Variants in PRSS23 observed in about 807,000 individuals in gnomAD.
PRSS23 encodes serine protease 23.
Under a neutral mutation model 34.7 loss-of-function variants are expected in PRSS23, and 25 were observed. That is an observed-to-expected ratio of 0.72 (90% CI 0.53 to 1.01). PRSS23 has a LOEUF of 1.01. Ranked by LOEUF, PRSS23 falls within the 50% of genes least tolerant of loss-of-function variation. The pLI is 0.00. For missense variants in PRSS23, 445 were observed against 475.6 expected (o/e 0.94, Z 0.60); for synonymous variants, 176 against 186.6 (o/e 0.94, Z 0.46).
At chr11:86,801,930 C>G (rs771103135) in intron 1 of PRSS23, among the ~76,000 whole-genome samples, 2 of 152,192 alleles carry the variant, frequency 1.3e-5, no homozygotes, top group Non-Finnish European at 2.9e-5. Context: ...TGTGCCTGAA[C>G]TGGGAAGGAA....
At chr11:86,952,491 A>G in exon 3 of PRSS23, 1 of 1,608,076 alleles carries the variant, frequency 6.2e-7, no homozygotes, top group Non-Finnish European at 8.5e-7. Context: ...AACAAAATGA[A>G]CACACACAAA....
Position 86,810,965 on chromosome 11 carries a change from A to AGTT in PRSS23, c.*2171_*2173dup, listed in dbSNP as rs1254801891. The AGTT allele has an allele frequency of 6.0e-6, 1 of 166,888 alleles. No individual in the cohort carries two copies. The highest frequency in any genetic ancestry group is 1.9e-4 in the East Asian group (1 of 5,198). 10.3% of individuals were successfully genotyped at this position (166,888 alleles called of 1,614,324 possible). A position where few individuals can be genotyped will look rare whatever the true frequency, so the allele number is the denominator to read the frequency against. On this transcript the variant is annotated 3_prime_UTR_variant, in exon 2 of 2. Coordinates refer to ENST00000280258, the MANE Select transcript of PRSS23 (RefSeq NM_007173.6). Reference sequence around the variant, plus strand: ...ATATAATTAGTGCTTTACATGTGTTAGTTATACATATTAGAAGCATATTTG... The same window carrying AGTT: ...ATATAATTAGTGCTTTACATGTGTTAGTTGTTATACATATTAGAAGCATATTTG...
intron 2 of PRSS23, among the ~76,000 whole-genome samples, chr11:86,863,991 T>C (rs1173362327): frequency 1.3e-5 from 2 of 152,224 alleles, no homozygotes; most frequent in African/African-American, 4.8e-5. Flanking sequence ...GTTTTTAAAA[T>C]GTGTAATCAT....
chr11:86,828,109 T>C (rs1299733532), intron 2 of PRSS23, among the ~76,000 whole-genome samples: 2 of 152,192 alleles, frequency 1.3e-5, no homozygotes, highest in African/African-American at 4.8e-5. Context: ...AAGTCTCCCA[T>C]TATTATTGTG....
At chr11:86,841,477 C>A (rs1948447980) in intron 2 of PRSS23, among the ~76,000 whole-genome samples, 1 of 151,500 alleles carries the variant, frequency 6.6e-6, no homozygotes, top group South Asian at 2.1e-4. Context: ...AAAAACACTT[C>A]AAAAAAATCA....
chr11:86,828,245 G>T (rs1246726706), intron 2 of PRSS23, among the ~76,000 whole-genome samples: 2 of 152,232 alleles, frequency 1.3e-5, no homozygotes, highest in South Asian at 4.2e-4. Flanking sequence ...TTACTATTAC[G>T]TAATGGCCTT....
intron 2 of PRSS23, among the ~76,000 whole-genome samples, chr11:86,915,518 C>G (rs1329167576): frequency 1.3e-5 from 2 of 149,382 alleles, no homozygotes; most frequent in Non-Finnish European, 3.0e-5. Flanking sequence ...AGGCAAATAT[C>G]TGCTTAGAGT....
chr11:86,804,049 A>G lies in PRSS23; in HGVS notation c.-14+3398A>G, dbSNP rs565272168. ...GACTTACGTGATTCTGGAAAATTAT[A>G]ATATTAGGGAATCCTGGACCTAAAG... On this transcript the variant is annotated intron_variant, in intron 1 of 1. Coordinates refer to ENST00000280258, the MANE Select transcript of PRSS23 (RefSeq NM_007173.6). Among the ~76,000 whole-genome samples the G allele has an allele frequency of 2.6e-5, 4 of 152,316 alleles. No homozygotes were observed. In the East Asian group the frequency reaches 7.7e-4, roughly 29 times the overall value.
chr11:86,858,198 T>G (rs1948586408), intron 2 of PRSS23, among the ~76,000 whole-genome samples: 1 of 151,878 alleles, frequency 6.6e-6, no homozygotes, highest in Non-Finnish European at 1.5e-5. Flanking sequence ...GTTGTACACC[T>G]TCCTGTGATA....
At chr11:86,912,680 T>C (rs1948985515) in intron 2 of PRSS23, among the ~76,000 whole-genome samples, 1 of 152,220 alleles carries the variant, frequency 6.6e-6, no homozygotes, top group African/African-American at 2.4e-5. Context: ...GTTAATTCAT[T>C]ATAAGTCTAT....
At chr11:86,914,057 A>AC (rs1347354495) in intron 2 of PRSS23, among the ~76,000 whole-genome samples, 1 of 151,132 alleles carries the variant, frequency 6.6e-6, no homozygotes, top group Non-Finnish European at 1.5e-5. Context: ...AAAAAAAAAA[A>AC]AAAACCTCAA....
chr11:86,809,603 T>A lies in PRSS23; in HGVS notation c.*808T>A, dbSNP rs1948154351. The A allele has an allele frequency of 6.0e-6, 1 of 167,078 alleles. No homozygotes were observed. Among genetic ancestry groups the A allele is most frequent in the Non-Finnish European group, 1.5e-5 (1 of 68,130 alleles). 10.3% of individuals were successfully genotyped at this position (167,078 alleles called of 1,614,324 possible). ...ACTCACATTTCTGGAACTAGCTATT[T>A]TTCAGAAGACAATAATCAGGGCTTA... On this transcript the variant is annotated 3_prime_UTR_variant, in exon 2 of 2. Transcript: ENST00000280258.
intron 2 of PRSS23, among the ~76,000 whole-genome samples, chr11:86,939,426 A>ATATATTTTTTTTTT: frequency 0.013 from 1,264 of 93,836 alleles, 16 homozygotes; most frequent in African/African-American, 0.021. Context: ...ATATATATAT[A>ATATATTTTTTTTTT]TTTTTTAACA....
intron 1 of PRSS23, among the ~76,000 whole-genome samples, chr11:86,818,596 T>C (rs1331396834): frequency 1.3e-5 from 2 of 152,130 alleles, no homozygotes; most frequent in East Asian, 1.9e-4. Flanking sequence ...AAAATGTACT[T>C]AAAAAAAATC....
chr11:86,834,250 T>C (rs1948384824), intron 2 of PRSS23, among the ~76,000 whole-genome samples: 1 of 152,118 alleles, frequency 6.6e-6, no homozygotes, highest in Non-Finnish European at 1.5e-5. Context: ...AGTGAAAGAT[T>C]TGGTGAAGGG....
chr11:86,837,358 T>C (rs1379351949), intron 2 of PRSS23: 2 of 152,242 alleles, frequency 1.3e-5, no homozygotes, highest in African/African-American at 4.8e-5. Context: ...ATGCCAGTTA[T>C]GTTCTCTGAC....
At chr11:86,794,481 G>T (rs1947968957) in intron 1 of PRSS23, among the ~76,000 whole-genome samples, 1 of 152,132 alleles carries the variant, frequency 6.6e-6, no homozygotes, top group African/African-American at 2.4e-5. Flanking sequence ...CATATTCTAA[G>T]TAGGATTAGA....
intron 2 of PRSS23, among the ~76,000 whole-genome samples, chr11:86,872,569 A>G (rs1948692375): frequency 6.6e-6 from 1 of 152,244 alleles, no homozygotes; most frequent in South Asian, 2.1e-4. Context: ...GTGGCCCAGC[A>G]TCTAGCACAT....
chr11:86,857,772 C>A lies in PRSS23; in HGVS notation c.206+34179C>A, dbSNP rs943371613. The A allele has an allele frequency of 4.7e-6, 5 of 1,053,924 alleles. No individual in the cohort carries two copies. The Admixed American group carries it at 5.8e-5, about 12-fold the overall frequency. 65.3% of individuals were successfully genotyped at this position (1,053,924 alleles called of 1,614,324 possible). Reference sequence around the variant, plus strand: ...TGCTATGCGACTGCATGTCCACAATCATCTTGGGAACTGTGGCCGAGGTGA... The same window carrying A: ...TGCTATGCGACTGCATGTCCACAATAATCTTGGGAACTGTGGCCGAGGTGA... On this transcript the variant is annotated intron_variant, in intron 2 of 2. Transcript: ENST00000533902.
Sources: allele counts gnomAD v4.1 joint callset (sites outside exome capture counted in the v4.1 genomes callset), GRCh38; gene constraint gnomAD v4.1.1; transcripts MANE v1.5; gene names NCBI Gene and HGNC (gene_info 2026-07-23, HGNC 2026-07-21).